SORCS3: variants seen among roughly 807,000 people sequenced by gnomAD.
SORCS3 encodes the protein sortilin related VPS10 domain containing receptor 3.
A neutral mutation model predicts 146.3 loss-of-function variants in SORCS3; 57 were observed. The ratio of observed to expected loss-of-function variants is 0.39; its 90% confidence interval spans 0.31 to 0.49. The LOEUF (loss-of-function observed/expected upper bound fraction) is 0.49. Ranked by LOEUF, SORCS3 falls within the 20% of genes least tolerant of loss-of-function variation. The pLI is 0.92. For synonymous variants in SORCS3, 653 were observed against 618.5 expected (o/e 1.06, Z -0.83); for missense variants, 1,341 against 1,575.5 (o/e 0.85, Z 2.52).
intron 2 of SORCS3, among the ~76,000 whole-genome samples, chr10:104,847,959 C>T (rs1414492469): frequency 6.6e-6 from 1 of 152,024 alleles, no homozygotes; most frequent in Non-Finnish European, 1.5e-5. Context: ...ACCCTCCTTT[C>T]TGGGTGGGAG....
intron 6 of SORCS3, among the ~76,000 whole-genome samples, chr10:105,099,967 C>A (rs791110): frequency 0.16 from 24,162 of 152,064 alleles, 2,126 homozygotes; most frequent in Middle Eastern, 0.2. Flanking sequence ...TTCTCTATAC[C>A]CCTTGAGCCA....
intron 25 of SORCS3, among the ~76,000 whole-genome samples, chr10:105,259,330 C>A (rs1420642129): frequency 6.6e-6 from 1 of 152,146 alleles, no homozygotes; most frequent in Non-Finnish European, 1.5e-5. Context: ...GATCATTGGC[C>A]ATACTGAGTT....
intron 13 of SORCS3, among the ~76,000 whole-genome samples, chr10:105,173,226 C>T (rs748077910): frequency 5.3e-5 from 8 of 151,988 alleles, no homozygotes; most frequent in Non-Finnish European, 2.9e-5. Context: ...GCAGGATAAT[C>T]GCTTGAACCC....
In SORCS3 at chr10:105,076,870, G is replaced by A. The variant is rs189760688; in HGVS notation, c.1029-12905G>A. Among the ~76,000 whole-genome samples, 6 of 152,188 alleles carry A rather than the reference G, an allele frequency of 3.9e-5. No homozygotes were observed. The East Asian group carries it at 5.8e-4, about 15-fold the overall frequency. ...TCCAGCTGTCTTTAGGTAAATTTTCGTGGATTTTCACTACTTTAACACAAT... is the reference window on the plus strand; with the variant it reads ...TCCAGCTGTCTTTAGGTAAATTTTCATGGATTTTCACTACTTTAACACAAT... On this transcript the variant is annotated intron_variant, in intron 5 of 26. Transcript: ENST00000369701.
chr10:105,228,444 C>CTCTCTCTT (rs1257034197), intron 20 of SORCS3, among the ~76,000 whole-genome samples: 1 of 149,736 alleles, frequency 6.7e-6, no homozygotes, highest in African/African-American at 2.5e-5. Flanking sequence ...CTTGCTCTTT[C>CTCTCTCTT]TCTCTCTTTC....
At chr10:105,140,278 A>G (rs1251988818) in intron 8 of SORCS3, among the ~76,000 whole-genome samples, 2 of 152,184 alleles carry the variant, frequency 1.3e-5, no homozygotes, top group Admixed American at 6.5e-5. Flanking sequence ...GGCATGAGAA[A>G]GTGGATAATT....
intron 4 of SORCS3, among the ~76,000 whole-genome samples, chr10:105,027,351 G>T (rs1225016798): frequency 1.3e-5 from 2 of 152,006 alleles, no homozygotes; most frequent in African/African-American, 4.8e-5. Context: ...ATATCACGTT[G>T]TACCCCATAA....
At chr10:104,846,880 G>C (rs1414423687) in intron 2 of SORCS3, among the ~76,000 whole-genome samples, 1 of 152,184 alleles carries the variant, frequency 6.6e-6, no homozygotes, top group Non-Finnish European at 1.5e-5. Context: ...AGTTACCTGG[G>C]TCATAAGGCT....
rs753508706 is a variant in SORCS3, at chr10:105,223,258, C to T, written c.2868+9C>T. ...TCGGCAATAGCACAAAGGTTTGGCC[C>T]TTTCTGATTGATGTCAAATTAGATC... On this transcript the variant is annotated intron_variant, in intron 20 of 26. Coordinates refer to ENST00000369701, the MANE Select transcript of SORCS3 (RefSeq NM_014978.3). 1 of 1,602,110 alleles carries T rather than the reference C, an allele frequency of 6.2e-7. No individual in the cohort carries two copies. Among genetic ancestry groups the T allele is most frequent in the Admixed American group, 1.7e-5 (1 of 58,934 alleles).
chr10:104,714,940 G>A (rs1048284213), intron 1 of SORCS3, among the ~76,000 whole-genome samples: 1 of 152,196 alleles, frequency 6.6e-6, no homozygotes, highest in Non-Finnish European at 1.5e-5. Flanking sequence ...AGAGGACAGG[G>A]AGGAGCTGGG....
chr10:104,882,597 G>A (rs912692852), intron 2 of SORCS3, among the ~76,000 whole-genome samples: 3 of 152,040 alleles, frequency 2.0e-5, no homozygotes, highest in Non-Finnish European at 4.4e-5. Flanking sequence ...GAGAGAGAAA[G>A]CATTGGGAAA....
chr10:105,040,828 T>C (rs2055333399), intron 4 of SORCS3, among the ~76,000 whole-genome samples: 1 of 151,866 alleles, frequency 6.6e-6, no homozygotes, highest in South Asian at 2.1e-4. Context: ...ATAAATACTG[T>C]GAGAGTTAGT....
At chr10:105,118,987 A>G (rs978410314) in intron 7 of SORCS3, among the ~76,000 whole-genome samples, 1 of 152,242 alleles carries the variant, frequency 6.6e-6, no homozygotes, top group Non-Finnish European at 1.5e-5. Flanking sequence ...TTAATCATCA[A>G]GACAATGGGG....
chr10:104,712,652 G>A (rs2016432110), intron 1 of SORCS3, among the ~76,000 whole-genome samples: 1 of 152,138 alleles, frequency 6.6e-6, no homozygotes, highest in Admixed American at 6.6e-5. Flanking sequence ...AGACAGAGGA[G>A]GCCTCCATCT....
At chr10:104,972,630 G>C (rs1485974950) in intron 3 of SORCS3, among the ~76,000 whole-genome samples, 1 of 151,976 alleles carries the variant, frequency 6.6e-6, no homozygotes, top group African/African-American at 2.4e-5. Context: ...GGGGGAGAGA[G>C]AGAGAAAGAG....
chr10:104,805,778 G>T (rs1278169996), intron 1 of SORCS3, among the ~76,000 whole-genome samples: 3 of 152,082 alleles, frequency 2.0e-5, no homozygotes, highest in Non-Finnish European at 4.4e-5. Context: ...TGTTCTTCAT[G>T]CTTCAGTTTG....
At chr10:104,935,463 A>G (rs1461733063) in intron 3 of SORCS3, among the ~76,000 whole-genome samples, 1 of 152,150 alleles carries the variant, frequency 6.6e-6, no homozygotes, top group Non-Finnish European at 1.5e-5. Context: ...CAGGGTTGGC[A>G]ATTTATAAAG....
At chr10:105,103,034 C>T (rs922162654) in intron 6 of SORCS3, among the ~76,000 whole-genome samples, 2 of 152,024 alleles carry the variant, frequency 1.3e-5, no homozygotes, top group Admixed American at 1.3e-4. Flanking sequence ...GTGATCCACC[C>T]ACCTCGGCCT....
chr10:104,901,733 C>T (rs2018853334), intron 2 of SORCS3, among the ~76,000 whole-genome samples: 1 of 152,224 alleles, frequency 6.6e-6, no homozygotes, highest in Non-Finnish European at 1.5e-5. Flanking sequence ...AGGCCTTGCT[C>T]ATGCCTTGCT....
Sources: gnomAD v4.1 joint callset for allele counts (sites outside exome capture counted in the v4.1 genomes callset) on GRCh38, gnomAD v4.1.1 for gene constraint, MANE v1.5 for transcripts, NCBI Gene and HGNC (gene_info 2026-07-23, HGNC 2026-07-21) for gene names.